The following GCNT4 variants were observed in gnomAD, a reference collection of about 807,000 sequenced individuals.
The protein encoded by GCNT4 is beta-1,3-galactosyl-O-glycosyl-glycoprotein beta-1,6-N-acetylglucosaminyltransferase 4.
In GCNT4, 17 loss-of-function variants were observed where a neutral mutation model predicts 31.3. That is an observed-to-expected ratio of 0.54 (90% CI 0.37 to 0.81). The LOEUF (loss-of-function observed/expected upper bound fraction) is 0.81. Among genes scored for constraint, GCNT4 ranks in the 40% least tolerant of loss-of-function variants. The probability of loss-of-function intolerance (pLI) is 0.00; values close to 1 mark genes in which losing one functional copy is unlikely to be tolerated. For missense variants in GCNT4, 503 were observed against 525.5 expected (o/e 0.96, Z 0.42); for synonymous variants, 158 against 190.6 (o/e 0.83, Z 1.41).
At position 75,029,042 on chromosome 5, in the gene GCNT4, G is replaced by C. The variant is rs1200520402; in HGVS notation, c.996C>G (p.Tyr332Ter). The change falls in exon 4 of 4, where the codon TAC (tyrosine) becomes TAG (stop). Residue 332 changes from tyrosine to a stop codon, truncating the protein, a stop_gained. Transcript: ENST00000652361. LOFTEE classifies it high-confidence loss of function. The part of the protein sequence containing the change: ...QDFFAWSKDT[Y>*]SPDEHFWATL... ...TAGCCCAAAAGTGCTCATCAGGAGA[G>C]TATGTGTCTTTAGACCAGGCAAAAA... 2 of 1,614,138 alleles carry C rather than the reference G, an allele frequency of 1.2e-6. No individual in the cohort carries two copies. Among genetic ancestry groups the C allele is most frequent in the East Asian group, 2.2e-5 (1 of 44,882 alleles).
intron 3 of GCNT4, among the ~76,000 whole-genome samples, chr5:75,034,923 G>A (rs907256708): frequency 2.6e-5 from 4 of 151,712 alleles, no homozygotes; most frequent in Non-Finnish European, 4.4e-5. Context: ...GGACACGACC[G>A]CATTCAGGGA....
the GCNT4 span, among the ~76,000 whole-genome samples, chr5:75,017,707 G>C: frequency 6.6e-6 from 1 of 152,120 alleles, no homozygotes; most frequent in Non-Finnish European, 1.5e-5. Flanking sequence ...TCCGGAGCCA[G>C]GACCTCCACT....
In GCNT4 at chr5:75,029,496, T is replaced by C. The variant is rs751768488; in HGVS notation, c.542A>G (p.Lys181Arg). ...AGCAATGAAAATATTGGAGAAGCAC[T>C]TAGCTAAATTGTTCATGGCAACTTT... Reference protein sequence around the residue: ...TFKVAMNNLAKCFSNIFIASK... With the variant: ...TFKVAMNNLARCFSNIFIASK... Residue 181 changes from lysine to arginine, a missense_variant, in exon 4 of 4, where the codon AAG (lysine) becomes AGG (arginine). Physicochemically the swap from Lys to Arg is conservative, Grantham distance 26 (BLOSUM62 2). Transcript: ENST00000652361. The C allele has an allele frequency of 8.7e-6, 14 of 1,614,084 alleles. No individual in the cohort carries two copies. The highest frequency in any genetic ancestry group is 1.1e-5 in the Non-Finnish European group (13 of 1,180,018).
At chr5:75,049,274 G>C (rs752077193) in intron 2 of GCNT4, among the ~76,000 whole-genome samples, 2 of 152,192 alleles carry the variant, frequency 1.3e-5, no homozygotes, top group Non-Finnish European at 2.9e-5. Context: ...TTATATGGTA[G>C]ACATTTTTCC....
the GCNT4 span, among the ~76,000 whole-genome samples, chr5:75,020,255 G>A: frequency 2.0e-5 from 3 of 152,218 alleles, no homozygotes; most frequent in Non-Finnish European, 2.9e-5. Flanking sequence ...TGCTGTGCAC[G>A]GGGCTCAGTT....
chr5:75,033,209 T>C (rs1743112865), intron 3 of GCNT4, among the ~76,000 whole-genome samples: 1 of 152,250 alleles, frequency 6.6e-6, no homozygotes. Context: ...TTGTCACTCA[T>C]TTCCAGGGCC....
chr5:75,039,077 TTTTTGTTTTG>T (rs572443448), intron 3 of GCNT4, among the ~76,000 whole-genome samples: 1 of 152,032 alleles, frequency 6.6e-6, no homozygotes, highest in Non-Finnish European at 1.5e-5. Flanking sequence ...TCACTGTTTT[TTTTTGTTTTG>T]TTTTGTTTTG....
At position 75,027,659 on chromosome 5, in the gene GCNT4, T is replaced by G. The variant is rs79804347; in HGVS notation, c.*1017A>C. The G allele has an allele frequency of 0.068, 10,378 of 152,238 alleles. 460 individuals are homozygous for G. The highest frequency in any genetic ancestry group is 0.089 in the Non-Finnish European group (6,068 of 67,920). 9.4% of individuals were successfully genotyped at this position (152,238 alleles called of 1,614,324 possible). On this transcript the variant is annotated 3_prime_UTR_variant, in exon 4 of 4. Coordinates refer to ENST00000652361, the MANE Select transcript of GCNT4 (RefSeq NM_001366737.1). Reference sequence around the variant, plus strand: ...CAGAGAAGAAAAAATTTTAAATGACTATACAAATTAATTTAGAAAGCTGTC... The same window carrying G: ...CAGAGAAGAAAAAATTTTAAATGACGATACAAATTAATTTAGAAAGCTGTC...
chr5:75,029,260 T>C lies in GCNT4; in HGVS notation c.778A>G (p.Ser260Gly). The C allele has an allele frequency of 3.1e-6, 5 of 1,614,178 alleles. No individual in the cohort carries two copies. Among genetic ancestry groups the C allele is most frequent in the Non-Finnish European group, 4.2e-6 (5 of 1,180,026 alleles). The change falls in exon 4 of 4, where the codon AGT becomes GGT. Residue 260 changes from serine to glycine, a missense_variant. By Grantham distance (56) the Ser-to-Gly change is moderately conservative. Coordinates refer to ENST00000652361, the MANE Select transcript of GCNT4 (RefSeq NM_001366737.1). ...TGGTAAGTGAATCTTTCCAATTTAC[T>C]GTTTGGGGGTTTCACCGTCTCCAAC... ...NMLETVKPPNSKLERFTYHHE... is the reference protein window; with the variant it reads ...NMLETVKPPNGKLERFTYHHE...
chr5:75,040,525 C>G (rs751576303), intron 3 of GCNT4, among the ~76,000 whole-genome samples: 1 of 152,192 alleles, frequency 6.6e-6, no homozygotes, highest in Non-Finnish European at 1.5e-5. Context: ...CTTCAAGTGA[C>G]TCTAGCATAT....
rs565493093 is a variant in GCNT4 at position 75,029,818 on chromosome 5, A to C, written c.220T>G (p.Ser74Ala). 1.2e-6 allele frequency: 2 copies of C among 1,614,118 alleles called. No homozygotes were observed. The highest frequency in any genetic ancestry group is 2.2e-5 in the South Asian group (2 of 91,080). The change falls in exon 4 of 4, where the codon TCG becomes GCG. Residue 74 changes from serine to alanine, a missense_variant. Ser to Ala is a moderately conservative substitution (Grantham distance 99). Coordinates refer to ENST00000652361, the MANE Select transcript of GCNT4 (RefSeq NM_001366737.1). ...AAAGGCTCCTGTTCATAGATACCCG[A>C]ACAGTTAACTTCATACCTGACTTCA... ...KDEVRYEVNCSGIYEQEPLEI... is the reference protein window; with the variant it reads ...KDEVRYEVNCAGIYEQEPLEI...
intron 3 of GCNT4, 50 bp from the exon 4 acceptor site, chr5:75,030,088 G>A (rs749130234): frequency 1.8e-5 from 28 of 1,521,482 alleles, no homozygotes; most frequent in Non-Finnish European, 2.2e-5. Flanking sequence ...CAGAAAATCA[G>A]GTCAGTTTAT....
chr5:75,032,877 GTGTGTGTGTGTGTGTGTGT>G (rs1743099977), intron 3 of GCNT4, among the ~76,000 whole-genome samples: 8 of 76,606 alleles, frequency 1.0e-4, no homozygotes, highest in African/African-American at 6.5e-4. Context: ...ATAGGGGTGT[GTGTGTGTGTGTGTGTGTGT>G]GTGTGTGTGT....
rs1243550804 is a variant in GCNT4 at position 75,028,710 on chromosome 5, A to G, written c.1328T>C (p.Leu443Ser). ...RDWITLPSEK[L>S]FMDRNLTTTS ...GGTAGTGAGATTTCTATCCATAAAT[A>G]ACTTTTCTGAGGGCAAAGTGATCCA... The change falls in exon 4 of 4, where the codon TTA (leucine) becomes TCA (serine). Residue 443 changes from leucine (L) to serine (S), a missense_variant. By Grantham distance (145) the Leu-to-Ser change is moderately radical. Coordinates refer to ENST00000652361, the MANE Select transcript of GCNT4 (RefSeq NM_001366737.1). 6.2e-7 allele frequency: 1 copy of G among 1,613,076 alleles called. No individual in the cohort carries two copies. The highest frequency in any genetic ancestry group is 8.5e-7 in the Non-Finnish European group (1 of 1,179,756).
chr5:75,050,901 TC>T (rs1743554613), intron 2 of GCNT4, among the ~76,000 whole-genome samples: 1 of 152,124 alleles, frequency 6.6e-6, no homozygotes, highest in East Asian at 1.9e-4. Context: ...AAGTCCATTC[TC>T]CACGGGGCAG....
Position 75,028,861 on chromosome 5 carries a change from A to C in GCNT4, c.1177T>G (p.Tyr393Asp). Residue 393 changes from tyrosine to aspartate, a missense_variant, in exon 4 of 4, where the codon TAT becomes GAT. Physicochemically the swap from Tyr to Asp is radical, Grantham distance 160. Coordinates refer to ENST00000652361, the MANE Select transcript of GCNT4 (RefSeq NM_001366737.1). The part of the protein sequence containing the change: ...TGSHLRSVCI[Y>D]GAAELRWLIK... ...AGCCACCTTAATTCTGCAGCTCCAT[A>C]AATACACACGCTTCGAAGGTGAGAT... The C allele has an allele frequency of 6.2e-7, 1 of 1,614,084 alleles. No homozygotes were observed. Among genetic ancestry groups the C allele is most frequent in the Non-Finnish European group, 8.5e-7 (1 of 1,180,006 alleles).
chr5:75,028,772 T>G lies in GCNT4; in HGVS notation c.1266A>C (p.Lys422Asn), dbSNP rs1438903980. ...FDSKVDPILI[K>N]CLAEKLEEQQ... ...GTTCTTCAAGCTTTTCTGCCAAGCA[T>G]TTAATCAAGATAGGGTCCACCTTAG... The change falls in exon 4 of 4, where the codon AAA becomes AAC. Residue 422 changes from lysine (K) to asparagine (N), a missense_variant. Coordinates refer to ENST00000652361, the MANE Select transcript of GCNT4 (RefSeq NM_001366737.1). 1.2e-6 allele frequency: 2 copies of G among 1,613,940 alleles called. No homozygotes were observed. The highest frequency in any genetic ancestry group is 2.2e-5 in the East Asian group (1 of 44,894).
intron 2 of GCNT4, among the ~76,000 whole-genome samples, chr5:75,050,595 T>C (rs1199288841): frequency 6.6e-6 from 1 of 152,080 alleles, no homozygotes; most frequent in African/African-American, 2.4e-5. Context: ...GGGAAGCCAT[T>C]CCACTTAGGA....
intron 3 of GCNT4, among the ~76,000 whole-genome samples, chr5:75,040,765 C>T (rs76891250): frequency 0.074 from 11,284 of 152,220 alleles, 495 homozygotes; most frequent in Middle Eastern, 0.095. Flanking sequence ...TTTTCTAAAA[C>T]AGTACATTCA....
Sources: gnomAD v4.1 joint callset for allele counts (sites outside exome capture counted in the v4.1 genomes callset) on GRCh38, gnomAD v4.1.1 for gene constraint, MANE v1.5 for transcripts, NCBI Gene and HGNC (gene_info 2026-07-23, HGNC 2026-07-21) for gene names.